DNER: variants seen among roughly 807,000 people sequenced by gnomAD.
The protein encoded by DNER is delta/notch like EGF repeat containing.
A neutral mutation model predicts 78.2 loss-of-function variants in DNER; 33 were observed. That is an observed-to-expected ratio of 0.42 (90% CI 0.32 to 0.56). The LOEUF (loss-of-function observed/expected upper bound fraction) is 0.56. DNER is among the 20% of genes least tolerant of loss of function. DNER has a pLI of 0.11. For missense variants in DNER, 918 were observed against 975.3 expected (o/e 0.94, Z 0.78); for synonymous variants, 417 against 384.8 (o/e 1.08, Z -0.98).
At chr2:229,496,973 C>T (rs981204117) in intron 6 of DNER, among the ~76,000 whole-genome samples, 1 of 152,158 alleles carries the variant, frequency 6.6e-6, no homozygotes, top group Non-Finnish European at 1.5e-5. Flanking sequence ...ATATACAGAG[C>T]ATTCCACCCA....
At chr2:229,549,977 C>G (rs1199569440) in intron 4 of DNER, among the ~76,000 whole-genome samples, 2 of 151,804 alleles carry the variant, frequency 1.3e-5, no homozygotes, top group Non-Finnish European at 2.9e-5. Flanking sequence ...AAATCTTATA[C>G]TCATTTCCAT....
intron 1 of DNER, among the ~76,000 whole-genome samples, chr2:229,592,590 TG>T (rs755827989): frequency 1.4e-3 from 217 of 152,322 alleles, no homozygotes; most frequent in Non-Finnish European, 2.7e-3. Flanking sequence ...CTCAGTCATA[TG>T]TGTTTCAATT....
intron 8 of DNER, among the ~76,000 whole-genome samples, chr2:229,435,539 G>T (rs757704724): frequency 1.3e-5 from 2 of 152,180 alleles, no homozygotes; most frequent in African/African-American, 4.8e-5. Context: ...AAACCACAAA[G>T]ATAAACTTTT....
intron 5 of DNER, among the ~76,000 whole-genome samples, chr2:229,522,430 G>A (rs57973370): frequency 0.019 from 2,937 of 152,222 alleles, 101 homozygotes; most frequent in African/African-American, 0.068. Context: ...TTGCCGCAAC[G>A]TTCTAATCCA....
chr2:229,559,845 T>TCCACTCTCCTCCTTCC (rs1308251634), intron 4 of DNER, among the ~76,000 whole-genome samples: 3 of 152,194 alleles, frequency 2.0e-5, no homozygotes, highest in African/African-American at 4.8e-5. Context: ...TCCTTCCATT[T>TCCACTCTCCTCCTTCC]CCACTCTCCT....
At chr2:229,666,716 C>T (rs558917183) in intron 1 of DNER, among the ~76,000 whole-genome samples, 1 of 152,298 alleles carries the variant, frequency 6.6e-6, no homozygotes, top group East Asian at 1.9e-4. Context: ...TGATTTCTGA[C>T]CATGACCCTC....
intron 1 of DNER, among the ~76,000 whole-genome samples, chr2:229,666,643 A>G (rs760357268): frequency 1.3e-5 from 2 of 152,262 alleles, no homozygotes; most frequent in Non-Finnish European, 2.9e-5. Flanking sequence ...TATTAAGGAC[A>G]TGTAACAACA....
chr2:229,477,018 A>T, intron 7 of DNER, 122 bp downstream of exon 7: 1 of 737,258 alleles, frequency 1.4e-6, no homozygotes, highest in Admixed American at 3.2e-5. Context: ...TTGTTTTATA[A>T]ATCAAACAAA....
In DNER at chr2:229,597,023, A is replaced by G. The variant is rs1427754317; in HGVS notation, c.277-5135T>C. Among the ~76,000 whole-genome samples, 3 of 151,444 alleles carry G rather than the reference A, an allele frequency of 2.0e-5. No individual in the cohort carries two copies. The Admixed American group carries it at 2.0e-4, about 10-fold the overall frequency. On this transcript the variant is annotated intron_variant, in intron 1 of 12. Coordinates refer to ENST00000341772, the MANE Select transcript of DNER (RefSeq NM_139072.4). ...CACATATACATGCACACACACATGC[A>G]CACGCACACATATACATGTACACAC... is the stretch of plus-strand genomic sequence containing the variant.
At chr2:229,481,124 C>A (rs1695148900) in intron 6 of DNER, among the ~76,000 whole-genome samples, 1 of 152,190 alleles carries the variant, frequency 6.6e-6, no homozygotes, top group African/African-American at 2.4e-5. Context: ...GCTCTACCCA[C>A]CCCAGTCTCC....
In DNER at chr2:229,591,779, C is replaced by A. The variant is rs749025793; in HGVS notation, c.386G>T (p.Gly129Val). 2.0e-5 allele frequency: 32 copies of A among 1,613,914 alleles called. No individual in the cohort carries two copies. The highest frequency in any genetic ancestry group is 2.7e-5 in the African/African-American group (2 of 74,894). Reference protein sequence around the residue: ...YLCICNEGYEGPNCEQALPSL... With the variant: ...YLCICNEGYEVPNCEQALPSL... The stretch of plus-strand genomic sequence containing the variant: ...GGGAAGTGCCTGTTCACAGTTGGGA[C>A]CTTCATAGCCTTCATTGCAAATGCA... Residue 129 changes from glycine to valine, a missense_variant, in exon 2 of 13, where the codon GGT (glycine) becomes GTT (valine). By Grantham distance (109) the Gly-to-Val change is moderately radical. Transcript: ENST00000341772. The surrounding 1 kb of genome is among the most constrained non-coding windows in gnomAD (Gnocchi z 4.6).
intron 5 of DNER, among the ~76,000 whole-genome samples, chr2:229,545,637 GTCCTTTGTT>G (rs1332558169): frequency 1.3e-5 from 2 of 152,144 alleles, no homozygotes; most frequent in Non-Finnish European, 2.9e-5. Context: ...GACTGCTGTG[GTCCTTTGTT>G]CATCTGACTC....
At chr2:229,530,092 A>T (rs143992533) in intron 5 of DNER, among the ~76,000 whole-genome samples, 1,758 of 152,282 alleles carry the variant, frequency 0.012, 13 homozygotes, top group Middle Eastern at 0.02. Flanking sequence ...TATAATGGGG[A>T]GATAGAATGA....
intron 1 of DNER, among the ~76,000 whole-genome samples, chr2:229,680,979 G>A (rs1346635685): frequency 6.6e-6 from 1 of 152,176 alleles, no homozygotes; most frequent in Non-Finnish European, 1.5e-5. Flanking sequence ...GAGTGGAGAG[G>A]AAGTTAATCA....
At chr2:229,503,706 G>T (rs1177005736) in intron 6 of DNER, among the ~76,000 whole-genome samples, 1 of 152,108 alleles carries the variant, frequency 6.6e-6, no homozygotes, top group Non-Finnish European at 1.5e-5. Flanking sequence ...TAGTAATGTG[G>T]GGGTATCTTT....
intron 4 of DNER, among the ~76,000 whole-genome samples, chr2:229,550,915 A>C (rs1196127576): frequency 6.6e-6 from 1 of 152,210 alleles, no homozygotes; most frequent in Non-Finnish European, 1.5e-5. Flanking sequence ...ACTTGAGAAC[A>C]TGCTGCTTCT....
intron 11 of DNER, among the ~76,000 whole-genome samples, chr2:229,370,539 A>G (rs182418674): frequency 0.014 from 2,064 of 152,324 alleles, 20 homozygotes; most frequent in Non-Finnish European, 0.02. Context: ...TGGGGAAAGC[A>G]GAACCAAGGC....
intron 1 of DNER, among the ~76,000 whole-genome samples, chr2:229,619,063 C>A (rs186817983): frequency 6.6e-6 from 1 of 152,072 alleles, no homozygotes; most frequent in African/African-American, 2.4e-5. Context: ...GGCTGAAGAT[C>A]GCTTGAGCCA....
Position 229,591,795 on chromosome 2 carries a change from T to C in DNER, c.370A>G (p.Asn124Asp). The change falls in exon 2 of 13, where the codon AAT (asparagine) becomes GAT (aspartate). Residue 124 changes from asparagine (N) to aspartate (D), a missense_variant. Physicochemically the swap from Asn to Asp is conservative, Grantham distance 23. Coordinates refer to ENST00000341772, the MANE Select transcript of DNER (RefSeq NM_139072.4). This position sits in a 1 kb window ranked among gnomAD's most constrained non-coding sequence, Gnocchi z 4.6. Reference sequence around the variant, plus strand: ...CAGTTGGGACCTTCATAGCCTTCATTGCAAATGCAGAGGTAGCCATCGCTG... The same window carrying C: ...CAGTTGGGACCTTCATAGCCTTCATCGCAAATGCAGAGGTAGCCATCGCTG... ...SSSDGYLCIC[N>D]EGYEGPNCEQ... 6.2e-7 allele frequency: 1 copy of C among 1,613,996 alleles called. No homozygotes were observed. Among genetic ancestry groups the C allele is most frequent in the Non-Finnish European group, 8.5e-7 (1 of 1,179,964 alleles).
Sources: allele counts gnomAD v4.1 joint callset (sites outside exome capture counted in the v4.1 genomes callset), GRCh38; gene constraint gnomAD v4.1.1; non-coding constraint Gnocchi (gnomAD v3.1); transcripts MANE v1.5; gene names NCBI Gene and HGNC (gene_info 2026-07-23, HGNC 2026-07-21).